CADM2: variants seen among roughly 807,000 people sequenced by gnomAD.
CADM2 encodes the protein cell adhesion molecule 2.
CADM2 carries 12 observed loss-of-function variants against 49.8 expected under a neutral mutation model. The observed-to-expected ratio is 0.24, with a 90% CI of 0.15 to 0.39. The LOEUF (loss-of-function observed/expected upper bound fraction) is 0.39, where lower values mean the gene tolerates loss of function less well. Ranked by LOEUF, CADM2 falls within the 10% of genes least tolerant of loss-of-function variation. CADM2 has a pLI of 1.00. For synonymous variants in CADM2, 214 were observed against 175.4 expected (o/e 1.22, Z -1.74); for missense variants, 378 against 492.3 (o/e 0.77, Z 2.20).
chr3:85,401,213 G>T (rs1411579577), intron 1 of CADM2, among the ~76,000 whole-genome samples: 6 of 152,162 alleles, frequency 3.9e-5, no homozygotes, highest in Non-Finnish European at 8.8e-5. Context: ...TTCAGGATCC[G>T]TGGACTGGCC....
intron 1 of CADM2, among the ~76,000 whole-genome samples, chr3:85,146,211 A>G (rs1317595575): frequency 6.6e-6 from 1 of 152,166 alleles, no homozygotes; most frequent in Non-Finnish European, 1.5e-5. Context: ...CATTTTAACA[A>G]CACCCAAATA....
At chr3:85,546,125 T>C (rs2061666221) in intron 1 of CADM2, among the ~76,000 whole-genome samples, 1 of 152,220 alleles carries the variant, frequency 6.6e-6, no homozygotes. Flanking sequence ...ATTACCTTTA[T>C]GCTCAAGTCC....
intron 1 of CADM2, among the ~76,000 whole-genome samples, chr3:85,265,581 C>G (rs72917194): frequency 0.066 from 10,014 of 152,058 alleles, 1,085 homozygotes; most frequent in African/African-American, 0.23. Flanking sequence ...TTAATTCATG[C>G]ATTAGGGCAG....
intron 6 of CADM2, among the ~76,000 whole-genome samples, chr3:85,922,909 C>T (rs1301892557): frequency 6.6e-6 from 1 of 151,582 alleles, no homozygotes; most frequent in Non-Finnish European, 1.5e-5. Flanking sequence ...GCAACCTCCG[C>T]CTCCCGGGTT....
intron 1 of CADM2, among the ~76,000 whole-genome samples, chr3:85,522,009 A>T (rs1037901742): frequency 2.6e-5 from 4 of 152,108 alleles, no homozygotes; most frequent in Non-Finnish European, 5.9e-5. Flanking sequence ...GGGAATGCTT[A>T]TGGGTTTGGG....
intron 1 of CADM2, among the ~76,000 whole-genome samples, chr3:85,130,513 C>A (rs567073444): frequency 2.2e-4 from 33 of 152,238 alleles, no homozygotes; most frequent in African/African-American, 7.9e-4. Flanking sequence ...TAAATATATT[C>A]AATCTAATAT....
At chr3:85,204,473 TAAG>T (rs1479702472) in intron 1 of CADM2, among the ~76,000 whole-genome samples, 3 of 152,162 alleles carry the variant, frequency 2.0e-5, no homozygotes, top group Non-Finnish European at 4.4e-5. Context: ...CCATCTCCTC[TAAG>T]AAGATCACTC....
chr3:85,341,680 G>A (rs2045243521), intron 1 of CADM2, among the ~76,000 whole-genome samples: 1 of 151,978 alleles, frequency 6.6e-6, no homozygotes, highest in African/African-American at 2.4e-5. Context: ...TTCTGCATAT[G>A]TATCCCGGAA....
At chr3:85,298,624 T>G (rs564348913) in intron 1 of CADM2, among the ~76,000 whole-genome samples, 3 of 152,112 alleles carry the variant, frequency 2.0e-5, no homozygotes, top group Non-Finnish European at 4.4e-5. Context: ...GTTGTCACCT[T>G]TCATCCCTAG....
chr3:85,931,573 G>A (rs965515269), intron 6 of CADM2, among the ~76,000 whole-genome samples: 1 of 152,088 alleles, frequency 6.6e-6, no homozygotes, highest in Admixed American at 6.6e-5. Context: ...ATTACACAAA[G>A]GTGAAAAAAG....
chr3:85,440,391 C>T (rs1385324874), intron 1 of CADM2, among the ~76,000 whole-genome samples: 1 of 152,134 alleles, frequency 6.6e-6, no homozygotes, highest in African/African-American at 2.4e-5. Context: ...GTAGGTTGAA[C>T]TGGGCCTCTC....
intron 1 of CADM2, among the ~76,000 whole-genome samples, chr3:85,545,017 C>T (rs908299118): frequency 2.6e-5 from 4 of 152,046 alleles, no homozygotes; most frequent in African/African-American, 7.2e-5. Flanking sequence ...AAAACCTATA[C>T]ACTGGCTCTG....
chr3:85,444,665 T>A (rs1353395795), intron 1 of CADM2, among the ~76,000 whole-genome samples: 2 of 152,188 alleles, frequency 1.3e-5, no homozygotes, highest in African/African-American at 2.4e-5. Flanking sequence ...TCAATTTTTA[T>A]TATAGTGTCT....
chr3:85,093,789 A>AT (rs2037691081), intron 1 of CADM2, among the ~76,000 whole-genome samples: 1 of 152,068 alleles, frequency 6.6e-6, no homozygotes. Flanking sequence ...TTATTTTAAG[A>AT]TTTTGACAGG....
intron 1 of CADM2, among the ~76,000 whole-genome samples, chr3:85,307,152 C>T (rs529822426): frequency 1.8e-4 from 28 of 151,432 alleles, no homozygotes; most frequent in East Asian, 5.8e-4. Flanking sequence ...TATTAATTTA[C>T]GTATATGCAT....
chr3:85,272,909 C>G (rs1576255894), intron 1 of CADM2, among the ~76,000 whole-genome samples: 1 of 151,240 alleles, frequency 6.6e-6, no homozygotes, highest in East Asian at 1.9e-4. Flanking sequence ...GCAACAACAA[C>G]AACAACAAAT....
intron 3 of CADM2, among the ~76,000 whole-genome samples, chr3:85,851,621 C>T (rs138944610): frequency 6.7e-6 from 1 of 148,928 alleles, no homozygotes; most frequent in African/African-American, 2.5e-5. Flanking sequence ...CAGTTTTCTA[C>T]TATCAAACAC....
intron 1 of CADM2, among the ~76,000 whole-genome samples, chr3:85,336,545 A>C (rs2045083122): frequency 6.6e-6 from 1 of 151,410 alleles, no homozygotes; most frequent in Non-Finnish European, 1.5e-5. Context: ...ACAAAGCTAA[A>C]GAAAACTATA....
chr3:85,613,787 A>G (rs140270747), intron 1 of CADM2, among the ~76,000 whole-genome samples: 1 of 151,790 alleles, frequency 6.6e-6, no homozygotes, highest in African/African-American at 2.4e-5. Flanking sequence ...ATTTTTATTA[A>G]TATCAGAAAA....
Sources: gnomAD v4.1 joint callset for allele counts (sites outside exome capture counted in the v4.1 genomes callset) on GRCh38, gnomAD v4.1.1 for gene constraint, MANE v1.5 for transcripts, NCBI Gene and HGNC (gene_info 2026-07-23, HGNC 2026-07-21) for gene names.